GTF2I: variants seen among roughly 807,000 people sequenced by gnomAD.
GTF2I encodes the protein general transcription factor II-I.
In GTF2I, 12 loss-of-function variants were observed where a neutral mutation model predicts 67.6. That is an observed-to-expected ratio of 0.18 (90% CI 0.11 to 0.29). The LOEUF (loss-of-function observed/expected upper bound fraction) is 0.29, where lower values mean the gene tolerates loss of function less well. Ranked by LOEUF, GTF2I falls within the 10% of genes least tolerant of loss-of-function variation. The probability of loss-of-function intolerance (pLI) is 1.00; values close to 1 mark genes in which losing one functional copy is unlikely to be tolerated. For synonymous variants in GTF2I, 149 were observed against 197.0 expected (o/e 0.76, Z 2.04); for missense variants, 271 against 580.1 (o/e 0.47, Z 5.47).
At chr7:74,704,582 C>T (rs1790338883) in intron 6 of GTF2I, among the ~76,000 whole-genome samples, 1 of 152,120 alleles carries the variant, frequency 6.6e-6, no homozygotes, top group South Asian at 2.1e-4. Context: ...TGTGAGCCTC[C>T]ACGCCCAGCC....
chr7:74,699,644 A>G (rs1554399361), intron 4 of GTF2I: 2 of 153,422 alleles, frequency 1.3e-5, no homozygotes. Context: ...ATTCCATGCA[A>G]AGCCACCTTT....
chr7:74,705,702 C>T (rs1326326247), intron 7 of GTF2I, among the ~76,000 whole-genome samples: 3 of 152,000 alleles, frequency 2.0e-5, no homozygotes, highest in East Asian at 1.9e-4. Flanking sequence ...GCAGGGACTA[C>T]AAGCATGTGC....
At chr7:74,708,380 G>A (rs941758639) in intron 8 of GTF2I, among the ~76,000 whole-genome samples, 1 of 151,756 alleles carries the variant, frequency 6.6e-6, no homozygotes, top group Non-Finnish European at 1.5e-5. Context: ...GAATACTAAG[G>A]TTTTTTTTAA....
intron 15 of GTF2I, among the ~76,000 whole-genome samples, chr7:74,732,985 G>A (rs1458214240): frequency 1.3e-5 from 2 of 148,680 alleles, no homozygotes; most frequent in Non-Finnish European, 3.0e-5. Context: ...TTTTTTTTTC[G>A]AGATGGAGTC....
intron 12 of GTF2I, among the ~76,000 whole-genome samples, chr7:74,719,777 G>A (rs1792703688): frequency 6.6e-6 from 1 of 152,114 alleles, no homozygotes; most frequent in Non-Finnish European, 1.5e-5. Context: ...AAAACTAGCT[G>A]GGTGTGGTGG....
chr7:74,708,646 C>T (rs1791100867), intron 8 of GTF2I, among the ~76,000 whole-genome samples: 1 of 152,160 alleles, frequency 6.6e-6, no homozygotes, highest in African/African-American at 2.4e-5. Context: ...GATCTCTTCT[C>T]CTCCTCTAGC....
chr7:74,735,948 C>A (rs1252958348), intron 17 of GTF2I, among the ~76,000 whole-genome samples: 1 of 25,188 alleles, frequency 4.0e-5, no homozygotes, highest in South Asian at 1.2e-3. Flanking sequence ...GGATTATAGG[C>A]GTGAGCCACC....
intron 1 of GTF2I, among the ~76,000 whole-genome samples, chr7:74,675,876 G>C (rs969705617): frequency 1.3e-5 from 2 of 152,126 alleles, no homozygotes; most frequent in Non-Finnish European, 2.9e-5. Flanking sequence ...TGGGCATGGT[G>C]ATGGGCGCCT....
intron 23 of GTF2I, among the ~76,000 whole-genome samples, chr7:74,747,788 G>A (rs1401656880): frequency 3.9e-5 from 1 of 25,960 alleles, no homozygotes; most frequent in African/African-American, 1.7e-4. Context: ...GCGAAACTTT[G>A]TCTCAAAAAA....
chr7:74,670,944 C>T (rs186690205), intron 1 of GTF2I, among the ~76,000 whole-genome samples: 12 of 152,114 alleles, frequency 7.9e-5, no homozygotes, highest in African/African-American at 2.2e-4. Context: ...GTGTCTTAAA[C>T]TGTGGTGCAA....
chr7:74,663,690 G>C (rs587724360), intron 1 of GTF2I, among the ~76,000 whole-genome samples: 13 of 152,280 alleles, frequency 8.5e-5, no homozygotes, highest in African/African-American at 3.1e-4. Flanking sequence ...AGATACTTGG[G>C]AATCAGTAGG....
At chr7:74,683,011 G>C (rs1213121282) in intron 1 of GTF2I, among the ~76,000 whole-genome samples, 2 of 87,338 alleles carry the variant, frequency 2.3e-5, no homozygotes, top group African/African-American at 9.4e-5. Context: ...GTAAAAAAAG[G>C]TAAGAAGCTA....
intron 6 of GTF2I, among the ~76,000 whole-genome samples, 196 bp from the exon 7 acceptor site, chr7:74,704,968 C>G (rs587650207): frequency 6.6e-6 from 1 of 150,376 alleles, no homozygotes; most frequent in Non-Finnish European, 1.5e-5. Flanking sequence ...CTGCATTTCT[C>G]TCACTGATGA....
chr7:74,735,593 T>A (rs1794793109), intron 17 of GTF2I, 61 bp downstream of exon 17: 5 of 381,952 alleles, frequency 1.3e-5, no homozygotes, highest in South Asian at 4.6e-5. Context: ...AACATTTTTT[T>A]AAATGTTGTT....
chr7:74,729,739 A>G (rs1794283971), intron 13 of GTF2I, among the ~76,000 whole-genome samples: 1 of 144,278 alleles, frequency 6.9e-6, no homozygotes, highest in Non-Finnish European at 1.5e-5. Flanking sequence ...CAGCCTCCCA[A>G]AGTGCTGGGA....
At chr7:74,661,556 GTAGTTTCAGC>G (rs1318698458) in intron 1 of GTF2I, among the ~76,000 whole-genome samples, 2 of 152,034 alleles carry the variant, frequency 1.3e-5, no homozygotes, top group Non-Finnish European at 2.9e-5. Flanking sequence ...GCGTGCGTAC[GTAGTTTCAGC>G]TACTTGGGGA....
Position 74,705,217 on chromosome 7 carries a change from A to G in GTF2I, c.640A>G (p.Ser214Gly). 6.3e-7 allele frequency: 1 copy of G among 1,579,236 alleles called. No individual in the cohort carries two copies. Among genetic ancestry groups the G allele is most frequent in the Non-Finnish European group, 8.7e-7 (1 of 1,148,794 alleles). The change falls in exon 7 of 35, where the codon AGT becomes GGT. Residue 214 changes from serine to glycine, a missense_variant and splice_region_variant. Physicochemically the swap from Ser to Gly is moderately conservative, Grantham distance 56. Around this residue, in one of 9 missense-constraint regions of GTF2I, gnomAD observed 124 missense variants for 147.0 expected, o/e 0.84. Transcript: ENST00000573035. ...ADRSILSPGG[S>G]CGPIKVKTEP... The stretch of plus-strand genomic sequence containing the variant: ...CAGGTCAATACTATCTCCAGGTGGA[A>G]GGTAAAACCTAATTTCATTACTGCT...
chr7:74,671,161 A>G (rs1039086777), intron 1 of GTF2I, among the ~76,000 whole-genome samples: 2 of 135,362 alleles, frequency 1.5e-5, no homozygotes, highest in South Asian at 2.2e-4. Context: ...ATCTCAGCTC[A>G]CTGCAACCTC....
At chr7:74,680,052 C>A (rs1381022482) in intron 1 of GTF2I, among the ~76,000 whole-genome samples, 1 of 114,872 alleles carries the variant, frequency 8.7e-6, no homozygotes, top group Non-Finnish European at 1.7e-5. Flanking sequence ...GTACTCCAGC[C>A]TGGGTGACAA....
Sources: gnomAD v4.1 joint callset for allele counts (sites outside exome capture counted in the v4.1 genomes callset) on GRCh38, gnomAD v4.1.1 for gene constraint, gnomAD v4.1.1 regional missense constraint, MANE v1.5 for transcripts, NCBI Gene and HGNC (gene_info 2026-07-23, HGNC 2026-07-21) for gene names.